The following RELN variants were observed in gnomAD, a reference collection of about 807,000 sequenced individuals.
The protein encoded by RELN is reelin.
A neutral mutation model predicts 427.6 loss-of-function variants in RELN; 108 were observed. The observed-to-expected ratio is 0.25, with a 90% confidence interval of 0.22 to 0.30. The LOEUF (loss-of-function observed/expected upper bound fraction) is 0.30. Among genes scored for constraint, RELN ranks in the 10% least tolerant of loss-of-function variants. RELN has a pLI of 1.00. For missense variants in RELN, 3,715 were observed against 4,302.8 expected, an observed-to-expected ratio of 0.86 and a Z score of 3.82; for synonymous variants, 1,524 against 1,513.4, an observed-to-expected ratio of 1.01 and a Z score of -0.16.
At chr7:103,735,886 C>T (rs946451183) in intron 6 of RELN, among the ~76,000 whole-genome samples, 3 of 152,184 alleles carry the variant, frequency 2.0e-5, no homozygotes, top group African/African-American at 7.2e-5. Context: ...CATTTCTGAG[C>T]CACATTCACC....
At chr7:103,799,894 G>A (rs1792401401) in intron 3 of RELN, among the ~76,000 whole-genome samples, 1 of 152,096 alleles carries the variant, frequency 6.6e-6, no homozygotes, top group South Asian at 2.1e-4. Context: ...GGGTAATGGT[G>A]AAGGTTTAAA....
At chr7:103,738,510 A>G (rs1461425679) in intron 6 of RELN, among the ~76,000 whole-genome samples, 1 of 151,786 alleles carries the variant, frequency 6.6e-6, no homozygotes, top group Non-Finnish European at 1.5e-5. Flanking sequence ...ATGATATACA[A>G]CATAATCATC....
intron 4 of RELN, among the ~76,000 whole-genome samples, chr7:103,759,649 AT>A (rs1443590724): frequency 3.3e-5 from 5 of 152,158 alleles, no homozygotes; most frequent in African/African-American, 1.2e-4. Context: ...GTGTGAATTA[AT>A]ATGGCCTTCA....
intron 1 of RELN, among the ~76,000 whole-genome samples, chr7:103,969,557 G>A (rs1311188530): frequency 6.6e-6 from 1 of 152,138 alleles, no homozygotes; most frequent in Non-Finnish European, 1.5e-5. Context: ...AAATGATACT[G>A]GGAAAACTGG....
chr7:103,742,787 C>T (rs567500452), intron 6 of RELN, among the ~76,000 whole-genome samples: 6 of 152,312 alleles, frequency 3.9e-5, no homozygotes, highest in South Asian at 2.1e-4. Flanking sequence ...CTACGTCTGA[C>T]TGGTGTACCT....
intron 7 of RELN, among the ~76,000 whole-genome samples, chr7:103,724,048 A>G (rs1790141811): frequency 6.6e-6 from 1 of 152,070 alleles, no homozygotes. Context: ...TAAGGTTCTC[A>G]TTTTGCTGGG....
chr7:103,759,013 G>A (rs1791229911), intron 4 of RELN, among the ~76,000 whole-genome samples: 1 of 151,806 alleles, frequency 6.6e-6, no homozygotes, highest in African/African-American at 2.4e-5. Context: ...TACGCAAAGA[G>A]GACAGAAATA....
intron 11 of RELN, among the ~76,000 whole-genome samples, chr7:103,669,125 C>T (rs1833334888): frequency 6.6e-6 from 1 of 152,070 alleles, no homozygotes; most frequent in Non-Finnish European, 1.5e-5. Flanking sequence ...TCTGACATAT[C>T]CATTTTTTTC....
chr7:103,556,745 G>A (rs867503725), intron 38 of RELN, among the ~76,000 whole-genome samples: 1 of 152,242 alleles, frequency 6.6e-6, no homozygotes, highest in East Asian at 1.9e-4. Context: ...GGCCTCCCTG[G>A]CCATGTGCAA....
chr7:103,895,621 T>A (rs995364833), intron 2 of RELN, among the ~76,000 whole-genome samples: 5 of 152,244 alleles, frequency 3.3e-5, no homozygotes, highest in East Asian at 3.9e-4. Context: ...GATTTTTTTT[T>A]AAACAGGCAG....
chr7:103,836,978 C>T (rs1793425337), intron 2 of RELN, among the ~76,000 whole-genome samples: 1 of 152,176 alleles, frequency 6.6e-6, no homozygotes, highest in Non-Finnish European at 1.5e-5. Context: ...CCTTTGGTCT[C>T]TTGCTTTCCT....
intron 6 of RELN, among the ~76,000 whole-genome samples, chr7:103,730,259 T>C (rs936430165): frequency 6.6e-6 from 1 of 152,114 alleles, no homozygotes. Context: ...TCCATAAATA[T>C]TGCTCAGCAG....
At chr7:103,727,392 A>G (rs2115930438) in intron 7 of RELN, among the ~76,000 whole-genome samples, 1 of 152,268 alleles carries the variant, frequency 6.6e-6, no homozygotes, top group East Asian at 1.9e-4. Context: ...TTGCTTTTAT[A>G]TTATTTTCCA....
intron 1 of RELN, among the ~76,000 whole-genome samples, chr7:103,947,698 A>G (rs1191286923): frequency 2.0e-5 from 3 of 152,228 alleles, no homozygotes; most frequent in African/African-American, 7.2e-5. Context: ...ACAGTAACAT[A>G]GTAAAATGTT....
intron 4 of RELN, among the ~76,000 whole-genome samples, chr7:103,776,230 G>A (rs1448715989): frequency 1.3e-5 from 2 of 152,104 alleles, no homozygotes. Flanking sequence ...AAAGCTGACA[G>A]GATATTTAAG....
intron 28 of RELN, among the ~76,000 whole-genome samples, chr7:103,580,282 C>T (rs1831100499): frequency 6.6e-6 from 1 of 152,234 alleles, no homozygotes; most frequent in Non-Finnish European, 1.5e-5. Flanking sequence ...AGCTCATTTA[C>T]TTGGGGTAAA....
chr7:103,985,042 T>C (rs972250077), intron 1 of RELN, among the ~76,000 whole-genome samples: 15 of 152,320 alleles, frequency 9.8e-5, no homozygotes, highest in African/African-American at 3.4e-4. Flanking sequence ...ATACTGGAAA[T>C]TGTCAAAATA....
At chr7:103,552,896 T>C (rs1298977949) in intron 40 of RELN, among the ~76,000 whole-genome samples, 3 of 152,172 alleles carry the variant, frequency 2.0e-5, no homozygotes, top group East Asian at 3.8e-4. Flanking sequence ...TGGTATAATA[T>C]ACCTTTGGTT....
At chr7:103,499,326 T>C (rs76766001) in intron 53 of RELN, among the ~76,000 whole-genome samples, 3,396 of 152,296 alleles carry the variant, frequency 0.022, 131 homozygotes, top group African/African-American at 0.078. Flanking sequence ...GGTTCTTGGC[T>C]ACATTTTTTT....
Sources: allele counts gnomAD v4.1 joint callset (sites outside exome capture counted in the v4.1 genomes callset), GRCh38; gene constraint gnomAD v4.1.1; transcripts MANE v1.5; gene names NCBI Gene and HGNC (gene_info 2026-07-23, HGNC 2026-07-21).